DIPK1A: variants seen among roughly 807,000 people sequenced by gnomAD.
DIPK1A encodes the protein divergent protein kinase domain 1A, also known as family with sequence similarity 69 member A.
DIPK1A carries 27 observed loss-of-function variants against 40.8 expected under a neutral mutation model. That is an observed-to-expected ratio of 0.66 (90% CI 0.49 to 0.91). The LOEUF is 0.91. DIPK1A is among the 40% of genes least tolerant of loss of function. The pLI, the probability that DIPK1A is intolerant of heterozygous loss-of-function variation, is 0.00. For missense variants in DIPK1A, 412 were observed against 505.7 expected, an observed-to-expected ratio of 0.81 and a Z score of 1.78; for synonymous variants, 166 against 171.3, an observed-to-expected ratio of 0.97 and a Z score of 0.24.
chr1:92,855,647 C>T (rs557951273), intron 2 of DIPK1A, among the ~76,000 whole-genome samples: 13 of 150,906 alleles, frequency 8.6e-5, no homozygotes, highest in Admixed American at 4.0e-4. Flanking sequence ...GAGGCTGCCA[C>T]GATCATGCCA....
intron 1 of DIPK1A, among the ~76,000 whole-genome samples, chr1:92,885,029 T>TATTCATGTGACTCCTAGAC (rs1648532431): frequency 6.6e-6 from 1 of 152,190 alleles, no homozygotes; most frequent in African/African-American, 2.4e-5. Flanking sequence ...TTCCAGTCTT[T>TATTCATGTGACTCCTAGAC]ATTCATGTGA....
intron 2 of DIPK1A, among the ~76,000 whole-genome samples, chr1:92,855,826 C>A (rs1687969437): frequency 6.6e-6 from 1 of 151,690 alleles, no homozygotes; most frequent in East Asian, 1.9e-4. Context: ...CGTCGATAAT[C>A]CCCAGCACTT....
At chr1:92,899,740 T>C (rs1223581561) in intron 1 of DIPK1A, among the ~76,000 whole-genome samples, 1 of 152,210 alleles carries the variant, frequency 6.6e-6, no homozygotes, top group Non-Finnish European at 1.5e-5. Flanking sequence ...AGTTTTTTAC[T>C]TTTGAGTGTT....
intron 2 of DIPK1A, among the ~76,000 whole-genome samples, chr1:92,869,302 A>G (rs1356433772): frequency 2.0e-5 from 3 of 151,904 alleles, no homozygotes; most frequent in Non-Finnish European, 4.4e-5. Flanking sequence ...CTGGGACTAC[A>G]GGTGCATGCC....
intron 2 of DIPK1A, among the ~76,000 whole-genome samples, chr1:92,854,820 T>C (rs1001061057): frequency 6.6e-6 from 1 of 152,254 alleles, no homozygotes; most frequent in Non-Finnish European, 1.5e-5. Flanking sequence ...GTTAGGCATA[T>C]CTGCTTGGTA....
intron 1 of DIPK1A, among the ~76,000 whole-genome samples, chr1:92,899,040 T>C (rs1422975439): frequency 6.6e-6 from 1 of 152,196 alleles, no homozygotes; most frequent in Non-Finnish European, 1.5e-5. Context: ...AGTGTTGGGA[T>C]TACAGGCATG....
chr1:92,832,886 T>G, exon 5 of DIPK1A: 1 of 644,814 alleles, frequency 1.6e-6, no homozygotes. Context: ...AAACATAACA[T>G]GGGAAGCGAG....
At chr1:92,916,451 G>A (rs1222413800) in intron 1 of DIPK1A, among the ~76,000 whole-genome samples, 9 of 151,680 alleles carry the variant, frequency 5.9e-5, no homozygotes, top group African/African-American at 2.2e-4. Flanking sequence ...ACAGGTGCCC[G>A]CCCCCATGCC....
At chr1:92,860,820 A>G (rs976624355) in intron 2 of DIPK1A, among the ~76,000 whole-genome samples, 1 of 152,080 alleles carries the variant, frequency 6.6e-6, no homozygotes, top group African/African-American at 2.4e-5. Context: ...TAGAACTTTA[A>G]TAAGTTTACA....
At chr1:92,902,726 G>C (rs184033687) in intron 1 of DIPK1A, among the ~76,000 whole-genome samples, 265 of 152,278 alleles carry the variant, frequency 1.7e-3, no homozygotes, top group Middle Eastern at 0.01. Context: ...TCCTGATTAG[G>C]GGGTGGGGTG....
intron 1 of DIPK1A, among the ~76,000 whole-genome samples, chr1:92,921,425 G>C (rs1376608548): frequency 6.6e-6 from 1 of 152,174 alleles, no homozygotes; most frequent in Admixed American, 6.5e-5. Flanking sequence ...AAAATGCAAT[G>C]TGTTGCAAAA....
rs374282289 is a variant in DIPK1A, at chr1:92,876,320, T to G, written c.165A>C (p.Arg55Ser). 5.6e-5 allele frequency: 89 copies of G among 1,577,542 alleles called. No homozygotes were observed. The highest frequency in any genetic ancestry group is 7.5e-5 in the Non-Finnish European group (87 of 1,159,142). The change falls in exon 2 of 5, where the codon AGA becomes AGC. Residue 55 changes from arginine to serine, a missense_variant. Arg to Ser is a moderately radical substitution (Grantham distance 110). Coordinates refer to ENST00000370310, the MANE Select transcript of DIPK1A (RefSeq NM_001006605.5). The stretch of plus-strand genomic sequence containing the variant: ...CTATTATTTTCTTACAGTCCTTTCC[T>G]CTGCATAATTCTGTATAGGTAGAAT... ...VQYSTYTELCRGKDCKKIICD... is the reference protein window; with the variant it reads ...VQYSTYTELCSGKDCKKIICD...
intron 1 of DIPK1A, among the ~76,000 whole-genome samples, chr1:92,883,489 A>G (rs7536563): frequency 0.59 from 89,408 of 152,008 alleles, 27,591 homozygotes; most frequent in East Asian, 0.94. Context: ...GATGATGACT[A>G]AGCTAAGCTC....
Position 92,850,894 on chromosome 1 carries a change from T to C in DIPK1A, c.251A>G (p.Glu84Gly). The C allele has an allele frequency of 6.3e-7, 1 of 1,574,918 alleles. No homozygotes were observed. The highest frequency in any genetic ancestry group is 8.6e-7 in the Non-Finnish European group (1 of 1,158,362). The change falls in exon 3 of 5, where the codon GAA becomes GGA. Residue 84 changes from glutamate (E) to glycine (G), a missense_variant. Glu to Gly is a moderately conservative substitution (Grantham distance 98). Coordinates refer to ENST00000370310, the MANE Select transcript of DIPK1A (RefSeq NM_001006605.5). ...TAAACATTTTCCAAAGTAAAGAGTT[T>C]CTGTAACACAAAGGCTGTTACATGC... ...GPACNSLCVT[E>G]TLYFGKCLST...
intron 2 of DIPK1A, among the ~76,000 whole-genome samples, chr1:92,874,359 T>C (rs1648019188): frequency 1.3e-5 from 2 of 152,212 alleles, no homozygotes; most frequent in Admixed American, 1.3e-4. Flanking sequence ...CAGGTCTTCC[T>C]GGGAGGGCTG....
At chr1:92,920,537 C>T (rs1197111603) in intron 1 of DIPK1A, among the ~76,000 whole-genome samples, 2 of 152,234 alleles carry the variant, frequency 1.3e-5, no homozygotes, top group Non-Finnish European at 2.9e-5. Context: ...TTCAGAGTAA[C>T]CATGGTACAA....
At chr1:92,863,614 A>G (rs1647391003) in intron 2 of DIPK1A, among the ~76,000 whole-genome samples, 1 of 151,306 alleles carries the variant, frequency 6.6e-6, no homozygotes, top group African/African-American at 2.4e-5. Flanking sequence ...AATAAAATAG[A>G]GATTTCCTTA....
downstream of DIPK1A, chr1:92,840,649 CTTTT>C (rs747509136): frequency 9.6e-5 from 151 of 1,573,308 alleles, 1 homozygote; most frequent in Admixed American, 2.4e-3. Context: ...GGTATGTCGT[CTTTT>C]TTTTTGTCTT....
intron 4 of DIPK1A, chr1:92,836,713 C>G (rs1687145915): frequency 3.6e-6 from 1 of 276,144 alleles, no homozygotes; most frequent in Non-Finnish European, 7.0e-6. Context: ...CATGCACTTT[C>G]TTTTTTCAAT....
Sources: allele counts gnomAD v4.1 joint callset (sites outside exome capture counted in the v4.1 genomes callset), GRCh38; gene constraint gnomAD v4.1.1; transcripts MANE v1.5; gene names NCBI Gene and HGNC (gene_info 2026-07-23, HGNC 2026-07-21).